The following PCDHA2 variants were observed in gnomAD, a reference collection of about 807,000 sequenced individuals.
PCDHA2 encodes the protein protocadherin alpha 2.
In PCDHA2, 58 loss-of-function variants were observed where a neutral mutation model predicts 66.0. The ratio of observed to expected loss-of-function variants is 0.88; its 90% CI spans 0.71 to 1.09. The LOEUF (loss-of-function observed/expected upper bound fraction) is 1.09, where lower values mean the gene tolerates loss of function less well. Among genes scored for constraint, PCDHA2 ranks in the 50% least tolerant of loss-of-function variants. The probability of loss-of-function intolerance (pLI) is 0.00; values close to 1 mark genes in which losing one functional copy is unlikely to be tolerated. For missense variants in PCDHA2, 1,267 were observed against 1,242.3 expected (o/e 1.02, Z -0.30); for synonymous variants, 634 against 554.0 (o/e 1.14, Z -2.03).
At chr5:140,841,507 C>T in intron 1 of PCDHA2, 2 of 1,613,396 alleles carry the variant, frequency 1.2e-6, no homozygotes, top group South Asian at 1.1e-5. Flanking sequence ...TGGTGCCGCG[C>T]CTGTTCCGGG....
chr5:140,934,741 T>TATG (rs2090025323), intron 1 of PCDHA2, among the ~76,000 whole-genome samples: 1 of 152,144 alleles, frequency 6.6e-6, no homozygotes, highest in Non-Finnish European at 1.5e-5. Flanking sequence ...TAGGTGTCAT[T>TATG]ATGAACTCAT....
At chr5:140,941,224 T>TTTCTTTC in intron 1 of PCDHA2, among the ~76,000 whole-genome samples, 1 of 137,372 alleles carries the variant, frequency 7.3e-6, no homozygotes, top group Non-Finnish European at 1.6e-5. Flanking sequence ...CCTTTCTTTC[T>TTTCTTTC]TTCTTTCTTT....
intron 1 of PCDHA2, chr5:140,809,371 C>G (rs781936039): frequency 9.3e-6 from 15 of 1,613,986 alleles, no homozygotes; most frequent in Non-Finnish European, 1.3e-5. Context: ...CGCTGCCCAC[C>G]GAGGGCGCGT....
At chr5:140,882,871 C>T in intron 1 of PCDHA2, 1 of 1,614,164 alleles carries the variant, frequency 6.2e-7, no homozygotes, top group East Asian at 2.2e-5. Flanking sequence ...AAACACTGGA[C>T]AGAGAGGAAA....
intron 1 of PCDHA2, chr5:140,827,909 A>T: frequency 1.2e-6 from 1 of 822,554 alleles, no homozygotes; most frequent in Non-Finnish European, 1.9e-6. Context: ...GAGCCGCATG[A>T]TGTCGCTGTC....
In PCDHA2 at chr5:140,961,349, T is replaced by C. The variant is rs1352312577; in HGVS notation, c.2389-17600T>C. Among the ~76,000 whole-genome samples the C allele has an allele frequency of 2.0e-5, 3 of 152,204 alleles. No individual in the cohort carries two copies. The East Asian group carries it at 5.8e-4, about 29-fold the overall frequency. On this transcript the variant is annotated intron_variant, in intron 1 of 3. Coordinates refer to ENST00000526136, the MANE Select transcript of PCDHA2 (RefSeq NM_018905.3). Reference sequence around the variant, plus strand: ...TTGAGAGACCAAGAGTGGATCCCTGTAGTCCCCATTAGAATTCTCCTTCTA... The same window carrying C: ...TTGAGAGACCAAGAGTGGATCCCTGCAGTCCCCATTAGAATTCTCCTTCTA...
At chr5:140,826,481 T>C (rs1342710477) in intron 1 of PCDHA2, among the ~76,000 whole-genome samples, 1 of 152,200 alleles carries the variant, frequency 6.6e-6, no homozygotes, top group Non-Finnish European at 1.5e-5. Context: ...TTTTACTGTA[T>C]ATCAGAATTT....
At chr5:140,968,659 C>A (rs781863651) in intron 1 of PCDHA2, 6 of 1,614,160 alleles carry the variant, frequency 3.7e-6, no homozygotes, top group East Asian at 2.2e-5. Context: ...CTGACCTGGA[C>A]CTCTTTAAGG....
intron 1 of PCDHA2, among the ~76,000 whole-genome samples, chr5:140,941,221 TTC>T (rs1217645089): frequency 7.6e-6 from 1 of 131,640 alleles, no homozygotes; most frequent in African/African-American, 3.0e-5. Flanking sequence ...CTTCCTTTCT[TTC>T]TTTCTTTCTT....
intron 1 of PCDHA2, chr5:140,865,753 A>T (rs894037976): frequency 2.6e-5 from 4 of 152,218 alleles, no homozygotes; most frequent in Admixed American, 1.3e-4. Flanking sequence ...CAGTGCCAGT[A>T]CATGGTGGAG....
intron 1 of PCDHA2, chr5:140,966,838 G>T: frequency 6.4e-7 from 1 of 1,566,772 alleles, no homozygotes. Flanking sequence ...CCTGGCTGCT[G>T]CTACTGCCTC....
chr5:140,879,123 G>C (rs895703047), intron 1 of PCDHA2, among the ~76,000 whole-genome samples: 18 of 152,310 alleles, frequency 1.2e-4, no homozygotes, highest in South Asian at 4.1e-4. Context: ...AAGGATTAGA[G>C]CAGGGGAGAT....
chr5:140,796,991 C>T lies in PCDHA2; in HGVS notation c.2027C>T (p.Pro676Leu), dbSNP rs75272992. The T allele has an allele frequency of 5.6e-6, 9 of 1,613,638 alleles. No individual in the cohort carries two copies. Among genetic ancestry groups the T allele is most frequent in the African/African-American group, 5.3e-5 (4 of 74,936 alleles). ...TCGTTGGTGGAAAGTGGCCAGGCAC[C>T]CAAGGCCTCGTCGCGGGCGTGGGTG... ...LVSLVESGQA[P>L]KASSRAWVGA... The change falls in exon 1 of 4, where the codon CCC becomes CTC. Residue 676 changes from proline to leucine, a missense_variant. By Grantham distance (98) the Pro-to-Leu change is moderately conservative. Coordinates refer to ENST00000526136, the MANE Select transcript of PCDHA2 (RefSeq NM_018905.3).
At chr5:140,817,165 G>T (rs181972981) in intron 1 of PCDHA2, 62 of 152,324 alleles carry the variant, frequency 4.1e-4, no homozygotes, top group African/African-American at 1.5e-3. Flanking sequence ...TCTGAGATAT[G>T]CAAGACAGCT....
At chr5:141,006,375 CTAAG>C (rs2098270775) in intron 3 of PCDHA2, among the ~76,000 whole-genome samples, 1 of 151,930 alleles carries the variant, frequency 6.6e-6, no homozygotes, top group Admixed American at 6.6e-5. Flanking sequence ...CCACGCCCGG[CTAAG>C]TTTTTTCTAT....
chr5:140,902,657 T>G (rs1331790009), intron 1 of PCDHA2, among the ~76,000 whole-genome samples: 2 of 152,160 alleles, frequency 1.3e-5, no homozygotes, highest in Non-Finnish European at 2.9e-5. Context: ...GGTGCACCTG[T>G]CACCCAAGCA....
chr5:140,909,171 T>C (rs2074353484), intron 1 of PCDHA2, among the ~76,000 whole-genome samples: 1 of 152,208 alleles, frequency 6.6e-6, no homozygotes, highest in Non-Finnish European at 1.5e-5. Flanking sequence ...ATCAATCAAG[T>C]TCTCTCCAAA....
At chr5:140,929,057 C>T (rs17844370) in intron 1 of PCDHA2, 1 of 1,614,070 alleles carries the variant, frequency 6.2e-7, no homozygotes, top group Non-Finnish European at 8.5e-7. Flanking sequence ...TGTCGCTCTA[C>T]AGAGGATCTG....
chr5:140,823,232 A>G, intron 1 of PCDHA2: 1 of 1,613,580 alleles, frequency 6.2e-7, no homozygotes, highest in Admixed American at 1.7e-5. Context: ...GCGCAGGAGA[A>G]CGCCCTGGTG....
Sources: allele counts gnomAD v4.1 joint callset (sites outside exome capture counted in the v4.1 genomes callset), GRCh38; gene constraint gnomAD v4.1.1; transcripts MANE v1.5; gene names NCBI Gene and HGNC (gene_info 2026-07-23, HGNC 2026-07-21).